LRMDA: variants seen among roughly 807,000 people sequenced by gnomAD.
LRMDA encodes leucine rich melanocyte differentiation associated.
LRMDA carries 18 observed loss-of-function variants against 29.8 expected under a neutral mutation model. The ratio of observed to expected loss-of-function variants is 0.60; its 90% confidence interval spans 0.42 to 0.90. LRMDA has a LOEUF of 0.90. Among genes scored for constraint, LRMDA ranks in the 40% least tolerant of loss-of-function variants. The pLI, the probability that LRMDA is intolerant of heterozygous loss-of-function variation, is 0.00. For missense variants in LRMDA, 273 were observed against 273.9 expected, an observed-to-expected ratio of 1.00 and a Z score of 0.02; for synonymous variants, 125 against 109.4, an observed-to-expected ratio of 1.14 and a Z score of -0.89.
chr10:76,117,649 G>A (rs967582040), intron 5 of LRMDA, among the ~76,000 whole-genome samples: 1 of 152,222 alleles, frequency 6.6e-6, no homozygotes, highest in Non-Finnish European at 1.5e-5. Context: ...CTTCGAGTGA[G>A]TTATATAAAA....
At chr10:75,450,830 T>C (rs946554002) in intron 2 of LRMDA, 2 of 152,264 alleles carry the variant, frequency 1.3e-5, no homozygotes, top group Admixed American at 1.3e-4. Context: ...CCCGTAGGCA[T>C]GGAGAGCTCA....
At chr10:75,952,033 G>A (rs1221520985) in intron 2 of LRMDA, among the ~76,000 whole-genome samples, 2 of 152,120 alleles carry the variant, frequency 1.3e-5, no homozygotes, top group Non-Finnish European at 2.9e-5. Context: ...ATAGCTCCTG[G>A]GAAGAGGAAA....
intron 5 of LRMDA, among the ~76,000 whole-genome samples, chr10:76,150,422 G>A (rs1262365352): frequency 2.0e-5 from 3 of 152,092 alleles, no homozygotes; most frequent in Admixed American, 6.5e-5. Flanking sequence ...GTTTTCTTTC[G>A]GTCACCCACA....
intron 2 of LRMDA, among the ~76,000 whole-genome samples, chr10:75,554,260 A>T (rs1052030403): frequency 6.6e-6 from 1 of 152,162 alleles, no homozygotes; most frequent in South Asian, 2.1e-4. Flanking sequence ...ATTTTAAGTG[A>T]CACTGGTCAG....
chr10:76,171,865 C>T (rs1332584023), intron 5 of LRMDA, among the ~76,000 whole-genome samples: 1 of 152,154 alleles, frequency 6.6e-6, no homozygotes, highest in Non-Finnish European at 1.5e-5. Context: ...GTCGCTCTAA[C>T]AGAACACCTG....
intron 2 of LRMDA, among the ~76,000 whole-genome samples, chr10:75,732,998 A>C (rs995511612): frequency 6.6e-6 from 1 of 152,178 alleles, no homozygotes; most frequent in African/African-American, 2.4e-5. Flanking sequence ...CATGGCTCCA[A>C]ATTTAAGGAC....
rs532396970 is a variant in LRMDA, at chr10:75,940,469, C to T, written c.132-95539C>T. Among the ~76,000 whole-genome samples the T allele has an allele frequency of 3.1e-4, 47 of 152,188 alleles. No individual in the cohort carries two copies. In the South Asian group the frequency reaches 9.3e-3, roughly 30 times the overall value. The stretch of plus-strand genomic sequence containing the variant: ...ATTTTCCAAGGCTCAGGTAAAAAGC[C>T]GTGCCTTCCACGAAGCCATTCTGGT... On this transcript the variant is annotated intron_variant, in intron 2 of 6. Transcript: ENST00000611255.
intron 6 of LRMDA, among the ~76,000 whole-genome samples, chr10:76,478,055 A>T (rs1472449764): frequency 6.6e-6 from 1 of 152,166 alleles, no homozygotes; most frequent in African/African-American, 2.4e-5. Context: ...GAGAAATGGG[A>T]TCTAATTAAA....
intron 2 of LRMDA, among the ~76,000 whole-genome samples, chr10:76,001,566 C>A (rs1306612807): frequency 1.3e-5 from 2 of 152,012 alleles, no homozygotes; most frequent in Non-Finnish European, 2.9e-5. Context: ...ACTTAACTGA[C>A]TGATGAATAT....
At chr10:75,780,782 G>A (rs1843372389) in intron 2 of LRMDA, among the ~76,000 whole-genome samples, 3 of 152,148 alleles carry the variant, frequency 2.0e-5, no homozygotes, top group Admixed American at 6.5e-5. Context: ...TCCTGGGAGT[G>A]TGTCAGGATA....
chr10:75,597,834 A>ATGT (rs1437471325), intron 2 of LRMDA, among the ~76,000 whole-genome samples: 1 of 152,064 alleles, frequency 6.6e-6, no homozygotes, highest in African/African-American at 2.4e-5. Flanking sequence ...GGGCGCTTTT[A>ATGT]TGTTGTTGTT....
intron 5 of LRMDA, among the ~76,000 whole-genome samples, chr10:76,163,363 A>G (rs1042402728): frequency 2.6e-5 from 4 of 152,144 alleles, no homozygotes; most frequent in African/African-American, 4.8e-5. Flanking sequence ...GCAGGATGGG[A>G]CTTTTTTTAT....
chr10:75,478,399 G>A (rs916139782), intron 2 of LRMDA, among the ~76,000 whole-genome samples: 1 of 152,166 alleles, frequency 6.6e-6, no homozygotes, highest in Admixed American at 6.5e-5. Flanking sequence ...TGTCAACAGC[G>A]AATCTCCAAT....
chr10:76,475,787 T>C (rs1323903879), intron 6 of LRMDA, among the ~76,000 whole-genome samples: 1 of 151,992 alleles, frequency 6.6e-6, no homozygotes, highest in Non-Finnish European at 1.5e-5. Flanking sequence ...AACAACCTGC[T>C]CCTGAATGAC....
chr10:75,603,179 G>GTTT lies in LRMDA; in HGVS notation c.131+164698_131+164700dup, dbSNP rs397972323. Among the ~76,000 whole-genome samples, 493 of 143,654 alleles carry GTTT rather than the reference G, an allele frequency of 3.4e-3. 4 individuals are homozygous for GTTT. In the Middle Eastern group the frequency reaches 0.051, roughly 15 times the overall value. The allele number at this position is 143,654 out of a possible 152,430, so 94.2% of individuals were successfully genotyped here. The stretch of plus-strand genomic sequence containing the variant: ...TGGATATAGTCAGCCTCATCTTAAA[G>GTTT]TTTTTTTTTTTTTTTAAGTCAGTAT... On this transcript the variant is annotated intron_variant, in intron 2 of 6. Transcript: ENST00000611255.
intron 2 of LRMDA, among the ~76,000 whole-genome samples, chr10:75,878,678 A>G (rs1310717690): frequency 6.6e-6 from 1 of 151,974 alleles, no homozygotes; most frequent in African/African-American, 2.4e-5. Context: ...TCTCACTTAG[A>G]TCCATGGGTA....
At chr10:75,954,082 G>A (rs1373534476) in intron 2 of LRMDA, among the ~76,000 whole-genome samples, 1 of 152,212 alleles carries the variant, frequency 6.6e-6, no homozygotes, top group Non-Finnish European at 1.5e-5. Context: ...GCAGAAAGTG[G>A]ATCACAGCCA....
rs186184094 is a variant in LRMDA at position 76,428,505 on chromosome 10, C to T, written c.601+104020C>T. Among the ~76,000 whole-genome samples the T allele has an allele frequency of 2.9e-4, 44 of 152,166 alleles. No individual in the cohort carries two copies. In the East Asian group the frequency reaches 8.5e-3, roughly 29 times the overall value. On this transcript the variant is annotated intron_variant, in intron 6 of 6. Transcript: ENST00000611255. Reference sequence around the variant, plus strand: ...TAGACCCATCATAGATCCATCGATCCAGTTTTCCTTCCAGGCCCCACATTA... The same window carrying T: ...TAGACCCATCATAGATCCATCGATCTAGTTTTCCTTCCAGGCCCCACATTA...
At position 76,199,146 on chromosome 10, in the gene LRMDA, G is replaced by A. The variant is rs1219592552; in HGVS notation, c.517-125255G>A. 3.9e-5 allele frequency among the ~76,000 whole-genome samples: 6 copies of A among 152,194 alleles called. No individual in the cohort carries two copies. The South Asian group carries it at 8.3e-4, about 21-fold the overall frequency. On this transcript the variant is annotated intron_variant, in intron 5 of 6. Transcript: ENST00000611255. ...TAAAAATACAGATGTCATCTGTGTCGTTCTAATATTAAATTTTGTTTTGGA... is the reference window on the plus strand; with the variant it reads ...TAAAAATACAGATGTCATCTGTGTCATTCTAATATTAAATTTTGTTTTGGA...
Sources: gnomAD v4.1 joint callset for allele counts (sites outside exome capture counted in the v4.1 genomes callset) on GRCh38, gnomAD v4.1.1 for gene constraint, MANE v1.5 for transcripts, NCBI Gene and HGNC (gene_info 2026-07-23, HGNC 2026-07-21) for gene names.